Variants in ZSCAN25 observed in about 807,000 individuals in gnomAD.
ZSCAN25 encodes the protein zinc finger and SCAN domain containing 25.
A neutral mutation model predicts 38.7 loss-of-function variants in ZSCAN25; 27 were observed. That is an observed-to-expected ratio of 0.70 (90% CI 0.51 to 0.96). ZSCAN25 has a LOEUF of 0.96. Ranked by LOEUF, ZSCAN25 falls within the 40% of genes least tolerant of loss-of-function variation. The pLI, the probability that ZSCAN25 is intolerant of heterozygous loss-of-function variation, is 0.00. For synonymous variants in ZSCAN25, 273 were observed against 277.7 expected, an observed-to-expected ratio of 0.98 and a Z score of 0.17; for missense variants, 637 against 705.9, an observed-to-expected ratio of 0.90 and a Z score of 1.11.
At chr7:99,689,448 C>T in the ZSCAN25 span, among the ~76,000 whole-genome samples, 8 of 151,222 alleles carry the variant, frequency 5.3e-5, no homozygotes, top group East Asian at 1.9e-4. Context: ...ACACATACAC[C>T]CTCCCAAGAC....
the ZSCAN25 span, among the ~76,000 whole-genome samples, chr7:99,703,133 T>C: frequency 1.3e-5 from 2 of 152,256 alleles, no homozygotes; most frequent in Non-Finnish European, 2.9e-5. Context: ...TTATCAGTTC[T>C]AGTAGTTCCT....
chr7:99,726,251 G>T, the ZSCAN25 span, among the ~76,000 whole-genome samples: 2 of 151,936 alleles, frequency 1.3e-5, no homozygotes, highest in Admixed American at 1.3e-4. Context: ...CCAGCTTAAC[G>T]CCAGTATCCC....
Position 99,629,501 on chromosome 7 carries a change from G to T in ZSCAN25, c.1116G>T (p.Glu372Asp). Residue 372 changes from glutamate (E) to aspartate (D), a missense_variant, in exon 8 of 8, where the codon GAG (glutamate) becomes GAT (aspartate). By Grantham distance (45) the Glu-to-Asp change is conservative. Transcript: ENST00000394152. This position sits in a 1 kb window ranked among gnomAD's most constrained non-coding sequence, Gnocchi z 5.6. Reference protein sequence around the residue: ...NLVRHQRTHEEKSYGCVECGK... With the variant: ...NLVRHQRTHEDKSYGCVECGK... ...TCAGGCACCAGCGAACCCACGAAGAGAAGTCTTATGGCTGTGTGGAGTGTG... is the reference window on the plus strand; with the variant it reads ...TCAGGCACCAGCGAACCCACGAAGATAAGTCTTATGGCTGTGTGGAGTGTG... The T allele has an allele frequency of 6.2e-7, 1 of 1,614,236 alleles. No homozygotes were observed. The highest frequency in any genetic ancestry group is 1.1e-5 in the South Asian group (1 of 91,088).
intron 6 of ZSCAN25, 27 bp from the exon 7 acceptor site, chr7:99,624,030 A>T (rs778131583): frequency 6.2e-7 from 1 of 1,614,066 alleles, no homozygotes. Context: ...TTCTTTCTTT[A>T]TTCATAGCAA....
At chr7:99,683,341 T>TAC in the ZSCAN25 span, among the ~76,000 whole-genome samples, 1 of 152,168 alleles carries the variant, frequency 6.6e-6, no homozygotes, top group African/African-American at 2.4e-5. Flanking sequence ...TGTTTTTTTG[T>TAC]ACACACACAC....
the ZSCAN25 span, among the ~76,000 whole-genome samples, chr7:99,640,782 G>A: frequency 6.6e-6 from 1 of 152,200 alleles, no homozygotes; most frequent in East Asian, 1.9e-4. Flanking sequence ...ATGAAGCCGG[G>A]AAAACAGGCA....
chr7:99,687,113 T>C, the ZSCAN25 span, among the ~76,000 whole-genome samples: 11 of 151,968 alleles, frequency 7.2e-5, no homozygotes, highest in South Asian at 8.3e-4. Context: ...AAAAGCAGAG[T>C]GCCTCTCCTC....
rs773315356 is a variant in ZSCAN25, at chr7:99,629,246, G to A, written c.861G>A (p.Ala287=). The A allele has an allele frequency of 5.0e-6, 8 of 1,613,922 alleles. No homozygotes were observed. Among genetic ancestry groups the A allele is most frequent in the East Asian group, 2.2e-5 (1 of 44,882 alleles). Residue 287 remains alanine (A), a synonymous_variant, in exon 8 of 8, where the codon GCG becomes GCA. Transcript: ENST00000394152. This position sits in a 1 kb window ranked among gnomAD's most constrained non-coding sequence, Gnocchi z 5.6. The part of the protein sequence containing the change: ...AKPPQEDLKG[A]LVALTSERFG... Reference sequence around the variant, plus strand: ...CCCCACAGGAAGACCTGAAAGGGGCGCTGGTGGCACTGACATCAGAGAGGT... The same window carrying A: ...CCCCACAGGAAGACCTGAAAGGGGCACTGGTGGCACTGACATCAGAGAGGT...
chr7:99,722,725 C>T, the ZSCAN25 span, among the ~76,000 whole-genome samples: 2,572 of 152,204 alleles, frequency 0.017, 66 homozygotes, highest in African/African-American at 0.057. Context: ...TGTGAGTGAG[C>T]GCCAGAAGGG....
the ZSCAN25 span, chr7:99,717,540 C>A: frequency 6.2e-7 from 1 of 1,613,580 alleles, no homozygotes; most frequent in South Asian, 1.1e-5. Flanking sequence ...TTGAGTTTTC[C>A]GCTGGTGAAT....
the ZSCAN25 span, chr7:99,638,262 A>G: frequency 2.5e-6 from 4 of 1,593,322 alleles, no homozygotes; most frequent in African/African-American, 5.4e-5. Context: ...GTTAGAGGTT[A>G]ACCATGTGAG....
chr7:99,629,150 G>A lies in ZSCAN25; in HGVS notation c.806-41G>A, dbSNP rs750064152. Reference sequence around the variant, plus strand: ...GAGTTCTAACATGTAAATGTCCTGCGGCTACCACAGAATCAATCTTTATCT... The same window carrying A: ...GAGTTCTAACATGTAAATGTCCTGCAGCTACCACAGAATCAATCTTTATCT... On this transcript the variant is annotated intron_variant, in intron 7 of 7. Coordinates refer to ENST00000394152, the MANE Select transcript of ZSCAN25 (RefSeq NM_145115.3). The surrounding 1 kb of genome is among the most constrained non-coding windows in gnomAD (Gnocchi z 5.6). 4.1e-5 allele frequency: 63 copies of A among 1,547,270 alleles called. No homozygotes were observed. Among genetic ancestry groups the A allele is most frequent in the Non-Finnish European group, 4.5e-5 (52 of 1,149,058 alleles).
the ZSCAN25 span, among the ~76,000 whole-genome samples, chr7:99,655,678 C>T: frequency 7.9e-5 from 12 of 152,164 alleles, no homozygotes; most frequent in Non-Finnish European, 1.6e-4. Context: ...GCAGTATGGC[C>T]ATTTTCATGA....
chr7:99,663,185 A>G, the ZSCAN25 span: 1 of 1,127,922 alleles, frequency 8.9e-7, no homozygotes, highest in Non-Finnish European at 1.1e-6. Context: ...TGCCGGTTCC[A>G]TCTCTGGTCA....
the ZSCAN25 span, among the ~76,000 whole-genome samples, chr7:99,641,833 A>G: frequency 6.6e-6 from 1 of 152,110 alleles, no homozygotes; most frequent in Non-Finnish European, 1.5e-5. Context: ...CCAATCCACC[A>G]TCTTCTCCCT....
chr7:99,663,506 A>C, the ZSCAN25 span: 1 of 990,354 alleles, frequency 1.0e-6, no homozygotes, highest in African/African-American at 1.7e-5. Flanking sequence ...GCTGTGAAAC[A>C]CTCACATTTA....
the ZSCAN25 span, chr7:99,660,214 C>CTTT: frequency 4.2e-4 from 179 of 429,918 alleles, 18 homozygotes; most frequent in African/African-American, 5.8e-3. Context: ...CGCCACACTC[C>CTTT]TTTTTTTTTT....
the ZSCAN25 span, among the ~76,000 whole-genome samples, chr7:99,737,253 G>A: frequency 6.6e-6 from 1 of 152,132 alleles, no homozygotes; most frequent in East Asian, 1.9e-4. Context: ...AAAGTTAACA[G>A]GAAGGGAGAT....
the ZSCAN25 span, chr7:99,684,862 G>T: frequency 4.0e-6 from 1 of 247,154 alleles, no homozygotes. Context: ...GGAGTTAATG[G>T]TGCTAACTAG....
Sources: gnomAD v4.1 joint callset for allele counts (sites outside exome capture counted in the v4.1 genomes callset) on GRCh38, gnomAD v4.1.1 for gene constraint, Gnocchi (gnomAD v3.1) non-coding constraint, MANE v1.5 for transcripts, NCBI Gene and HGNC (gene_info 2026-07-23, HGNC 2026-07-21) for gene names.